FMN1: variants seen among roughly 807,000 people sequenced by gnomAD.
FMN1 encodes formin-1.
A neutral mutation model predicts 132.4 loss-of-function variants in FMN1; 110 were observed. The observed-to-expected ratio is 0.83, with a 90% CI of 0.71 to 0.97. The LOEUF (loss-of-function observed/expected upper bound fraction) is 0.97, where lower values mean the gene tolerates loss of function less well. Among genes scored for constraint, FMN1 ranks in the 50% least tolerant of loss-of-function variants. FMN1 has a pLI of 0.00. For synonymous variants in FMN1, 722 were observed against 651.7 expected (o/e 1.11, Z -1.64); for missense variants, 1,792 against 1,705.3 (o/e 1.05, Z -0.90).
At chr15:33,031,314 C>G (rs2035927477) in intron 6 of FMN1, among the ~76,000 whole-genome samples, 1 of 152,154 alleles carries the variant, frequency 6.6e-6, no homozygotes, top group Non-Finnish European at 1.5e-5. Flanking sequence ...CAGGAGGAGC[C>G]AGCACTGTGG....
At chr15:32,926,853 G>A (rs931307853) in intron 9 of FMN1, among the ~76,000 whole-genome samples, 1 of 152,090 alleles carries the variant, frequency 6.6e-6, no homozygotes, top group African/African-American at 2.4e-5. Flanking sequence ...GGTGTGATCA[G>A]AGTTTGTCTC....
chr15:33,038,791 T>C (rs1247960825), intron 6 of FMN1, among the ~76,000 whole-genome samples: 1 of 152,176 alleles, frequency 6.6e-6, no homozygotes, highest in East Asian at 1.9e-4. Flanking sequence ...TTGTTGGAAA[T>C]TGGATGGAAG....
At chr15:32,956,306 A>G (rs575730802) in intron 9 of FMN1, among the ~76,000 whole-genome samples, 1 of 152,276 alleles carries the variant, frequency 6.6e-6, no homozygotes, top group Admixed American at 6.5e-5. Context: ...TAATACTCAG[A>G]TGCAGCATTC....
intron 17 of FMN1, among the ~76,000 whole-genome samples, chr15:32,837,709 G>A (rs1382819708): frequency 2.0e-5 from 3 of 152,196 alleles, no homozygotes; most frequent in East Asian, 1.9e-4. Flanking sequence ...AAGATTTTGC[G>A]TCAGATATAT....
chr15:32,979,922 T>TA (rs1290101650), intron 7 of FMN1, among the ~76,000 whole-genome samples: 1 of 152,210 alleles, frequency 6.6e-6, no homozygotes, highest in African/African-American at 2.4e-5. Context: ...TTTCATTACT[T>TA]AAACAAATGA....
intron 4 of FMN1, among the ~76,000 whole-genome samples, chr15:33,130,390 A>G: frequency 6.6e-6 from 1 of 152,250 alleles, no homozygotes; most frequent in Non-Finnish European, 1.5e-5. Flanking sequence ...AATCAGTTTT[A>G]TGAAACAATG....
chr15:33,029,104 T>G (rs1437161417), intron 6 of FMN1, among the ~76,000 whole-genome samples: 1 of 152,170 alleles, frequency 6.6e-6, no homozygotes, highest in Non-Finnish European at 1.5e-5. Flanking sequence ...ATCAGAATCT[T>G]AAGGACAGAG....
chr15:33,083,198 A>G (rs1178376192), intron 5 of FMN1, among the ~76,000 whole-genome samples: 1 of 152,218 alleles, frequency 6.6e-6, no homozygotes, highest in African/African-American at 2.4e-5. Context: ...TTCTTAAGTG[A>G]TAAGAGCCAT....
At chr15:33,055,360 T>G (rs1475111576) in intron 6 of FMN1, among the ~76,000 whole-genome samples, 1 of 152,170 alleles carries the variant, frequency 6.6e-6, no homozygotes, top group Non-Finnish European at 1.5e-5. Flanking sequence ...AAACCTTACA[T>G]CTATCGATTA....
At chr15:32,840,260 G>A (rs2058717078) in intron 17 of FMN1, among the ~76,000 whole-genome samples, 1 of 152,206 alleles carries the variant, frequency 6.6e-6, no homozygotes. Flanking sequence ...TGGTGAGAGG[G>A]CAGAGAAAGC....
intron 4 of FMN1, among the ~76,000 whole-genome samples, chr15:33,128,712 G>T (rs59633863): frequency 6.6e-6 from 1 of 152,208 alleles, no homozygotes; most frequent in African/African-American, 2.4e-5. Context: ...GGACCCTCAC[G>T]GTAAGTGTGA....
At chr15:32,777,538 A>ATTTATATATTACGTATAATATATAACAC in intron 19 of FMN1, among the ~76,000 whole-genome samples, 1 of 81,436 alleles carries the variant, frequency 1.2e-5, no homozygotes, top group African/African-American at 4.5e-5. Context: ...ATAACATAAC[A>ATTTATATATTACGTATAATATATAACAC]TTTATATATT....
At chr15:33,192,948 A>G (rs1333598667) in intron 2 of FMN1, among the ~76,000 whole-genome samples, 1 of 152,236 alleles carries the variant, frequency 6.6e-6, no homozygotes, top group African/African-American at 2.4e-5. Context: ...AGCAACTTGC[A>G]AAAATCACTG....
At chr15:32,981,546 T>TAATAATAATAATA (rs1566788209) in intron 7 of FMN1, among the ~76,000 whole-genome samples, 3 of 125,760 alleles carry the variant, frequency 2.4e-5, no homozygotes, top group African/African-American at 9.4e-5. Flanking sequence ...TAATAATAAT[T>TAATAATAATAATA]ATTATTATTA....
chr15:33,008,254 T>C (rs1386743735), intron 6 of FMN1, among the ~76,000 whole-genome samples, 179 bp from the exon 7 acceptor site: 1 of 152,126 alleles, frequency 6.6e-6, no homozygotes, highest in Non-Finnish European at 1.5e-5. Context: ...AAAGGTAAAT[T>C]CCTTCCTTTT....
At chr15:33,165,465 A>G (rs1307226507) in intron 3 of FMN1, among the ~76,000 whole-genome samples, 1 of 152,158 alleles carries the variant, frequency 6.6e-6, no homozygotes, top group Non-Finnish European at 1.5e-5. Context: ...ATCTCGGCTC[A>G]CTGCAAGCTC....
chr15:32,842,636 T>C (rs2058768794), intron 17 of FMN1, among the ~76,000 whole-genome samples: 1 of 152,170 alleles, frequency 6.6e-6, no homozygotes, highest in Non-Finnish European at 1.5e-5. Context: ...CCTAAACTAA[T>C]AATACGTAAA....
At chr15:32,927,486 T>G (rs1442422625) in intron 9 of FMN1, among the ~76,000 whole-genome samples, 1 of 152,202 alleles carries the variant, frequency 6.6e-6, no homozygotes, top group Non-Finnish European at 1.5e-5. Flanking sequence ...CTTACACTCC[T>G]GGGCCCAAGC....
chr15:33,125,422 G>A (rs190447431), intron 4 of FMN1, among the ~76,000 whole-genome samples: 98 of 146,608 alleles, frequency 6.7e-4, no homozygotes, highest in African/African-American at 2.2e-3. Flanking sequence ...ATGTACCAGT[G>A]CACTAAGACA....
Sources: gnomAD v4.1 joint callset for allele counts (sites outside exome capture counted in the v4.1 genomes callset) on GRCh38, gnomAD v4.1.1 for gene constraint, MANE v1.5 for transcripts, NCBI Gene and HGNC (gene_info 2026-07-23, HGNC 2026-07-21) for gene names.